Variants in MPPED2 observed in about 807,000 individuals in gnomAD.
MPPED2 encodes metallophosphoesterase domain containing 2, also known as metallophosphoesterase MPPED2.
In MPPED2, 5 loss-of-function variants were observed where a neutral mutation model predicts 33.0. The observed-to-expected ratio is 0.15, with a 90% confidence interval of 0.08 to 0.32. MPPED2 has a LOEUF of 0.32. Ranked by LOEUF, MPPED2 falls within the 10% of genes least tolerant of loss-of-function variation. MPPED2 has a pLI of 1.00. For missense variants in MPPED2, 275 were observed against 372.1 expected, an observed-to-expected ratio of 0.74 and a Z score of 2.15; for synonymous variants, 136 against 141.9, an observed-to-expected ratio of 0.96 and a Z score of 0.29.
chr11:30,448,118 G>A (rs560396462), intron 4 of MPPED2, among the ~76,000 whole-genome samples: 1 of 152,282 alleles, frequency 6.6e-6, no homozygotes. Context: ...ACGTGAATGA[G>A]CATCATTTCT....
chr11:30,484,052 T>G (rs1435465871), intron 4 of MPPED2, among the ~76,000 whole-genome samples: 1 of 152,244 alleles, frequency 6.6e-6, no homozygotes, highest in Non-Finnish European at 1.5e-5. Flanking sequence ...TTTTCTTTCC[T>G]TTACAAATAT....
chr11:30,415,216 A>G (rs1948291212), intron 5 of MPPED2, among the ~76,000 whole-genome samples: 2 of 152,194 alleles, frequency 1.3e-5, no homozygotes, highest in Admixed American at 6.5e-5. Context: ...CAAACTGCAG[A>G]CATGAACGTT....
chr11:30,430,049 T>G (rs145400265), intron 4 of MPPED2, among the ~76,000 whole-genome samples: 1 of 152,124 alleles, frequency 6.6e-6, no homozygotes, highest in Non-Finnish European at 1.5e-5. Flanking sequence ...TGACACAAAA[T>G]AGAGGTCAAG....
chr11:30,483,956 C>A (rs1951609039), intron 4 of MPPED2, among the ~76,000 whole-genome samples: 1 of 152,160 alleles, frequency 6.6e-6, no homozygotes, highest in African/African-American at 2.4e-5. Context: ...GTTCTATATG[C>A]AATCATTTTG....
chr11:30,578,544 G>A lies in MPPED2; in HGVS notation c.128+1702C>T, dbSNP rs146983391. 4.2e-3 allele frequency among the ~76,000 whole-genome samples: 638 copies of A among 152,206 alleles called. 2 individuals carry two copies. Among genetic ancestry groups the A allele is most frequent in the African/African-American group, 0.013 (526 of 41,530 alleles). On this transcript the variant is annotated intron_variant, in intron 2 of 6. Transcript: ENST00000358117. The stretch of plus-strand genomic sequence containing the variant: ...AAATATCTCTGTGCATTCACAGTTC[G>A]CCAGTGGAATCTTGAGGCCAAGAAC...
intron 4 of MPPED2, among the ~76,000 whole-genome samples, chr11:30,436,938 T>A (rs1949353286): frequency 6.6e-6 from 1 of 152,158 alleles, no homozygotes; most frequent in Non-Finnish European, 1.5e-5. Flanking sequence ...GCCTAAAGAG[T>A]GTGACATGAT....
At chr11:30,551,862 G>T (rs1955729700) in intron 2 of MPPED2, among the ~76,000 whole-genome samples, 1 of 152,170 alleles carries the variant, frequency 6.6e-6, no homozygotes, top group African/African-American at 2.4e-5. Flanking sequence ...TACTTCATAA[G>T]GATGTTATGA....
At chr11:30,545,643 G>A (rs137962574) in intron 2 of MPPED2, among the ~76,000 whole-genome samples, 17 of 152,186 alleles carry the variant, frequency 1.1e-4, no homozygotes, top group South Asian at 8.3e-4. Context: ...CCCTTACAGC[G>A]ATAGGCTCTT....
rs1034488660 is a variant in MPPED2 at position 30,504,795 on chromosome 11, C to A, written c.311-9274G>T. The A allele has an allele frequency of 4.0e-5, 52 of 1,288,832 alleles. No individual in the cohort carries two copies. The Admixed American group carries it at 5.1e-4, about 13-fold the overall frequency. 79.8% of individuals were successfully genotyped at this position (1,288,832 alleles called of 1,614,324 possible). A position where few individuals can be genotyped will look rare whatever the true frequency, so the allele number is the denominator to read the frequency against. ...GCTACCTTCTCCTCTGAAACTCATG[C>A]ATTAGGGTTTCTTCCATGCTTGCAA... On this transcript the variant is annotated intron_variant, in intron 3 of 6. Coordinates refer to ENST00000358117, the MANE Select transcript of MPPED2 (RefSeq NM_001584.3).
At chr11:30,570,415 A>G (rs1456229501) in intron 2 of MPPED2, among the ~76,000 whole-genome samples, 2 of 152,132 alleles carry the variant, frequency 1.3e-5, no homozygotes, top group Non-Finnish European at 2.9e-5. Context: ...TTCAAACCAT[A>G]GCACTATCCA....
intron 5 of MPPED2, among the ~76,000 whole-genome samples, chr11:30,416,204 G>A (rs1328938844): frequency 6.6e-6 from 1 of 152,220 alleles, no homozygotes; most frequent in African/African-American, 2.4e-5. Flanking sequence ...AAGAAGTCAG[G>A]AACTGCTGAT....
At chr11:30,540,296 T>C (rs1170028321) in intron 2 of MPPED2, among the ~76,000 whole-genome samples, 2 of 152,154 alleles carry the variant, frequency 1.3e-5, no homozygotes, top group African/African-American at 2.4e-5. Context: ...GTGAAGGATG[T>C]TTGGCTGCAG....
At chr11:30,562,374 A>G (rs1422724202) in intron 2 of MPPED2, among the ~76,000 whole-genome samples, 1 of 152,142 alleles carries the variant, frequency 6.6e-6, no homozygotes, top group Non-Finnish European at 1.5e-5. Flanking sequence ...GTAATGTGTG[A>G]TCTTCCAGGG....
intron 4 of MPPED2, among the ~76,000 whole-genome samples, chr11:30,426,180 T>C (rs1039483560): frequency 9.9e-5 from 15 of 152,168 alleles, no homozygotes; most frequent in Non-Finnish European, 2.2e-4. Context: ...TCTCCCCCAG[T>C]CCCTAGTAAC....
intron 4 of MPPED2, among the ~76,000 whole-genome samples, chr11:30,484,558 C>T (rs891249401): frequency 2.0e-5 from 3 of 152,118 alleles, no homozygotes; most frequent in Admixed American, 1.3e-4. Context: ...CCTCATGGAA[C>T]AGTCCACATT....
chr11:30,476,013 TCA>T (rs1951175817), intron 4 of MPPED2, among the ~76,000 whole-genome samples: 1 of 152,158 alleles, frequency 6.6e-6, no homozygotes, highest in Non-Finnish European at 1.5e-5. Context: ...TAACATCTTT[TCA>T]TATACTTGTT....
chr11:30,532,735 C>T (rs560012488), intron 3 of MPPED2, among the ~76,000 whole-genome samples: 1 of 152,340 alleles, frequency 6.6e-6, no homozygotes, highest in South Asian at 2.1e-4. Flanking sequence ...ACTCCCCTTC[C>T]ATCCTGTAGT....
At chr11:30,443,178 TA>T (rs998820756) in intron 4 of MPPED2, among the ~76,000 whole-genome samples, 3 of 152,144 alleles carry the variant, frequency 2.0e-5, no homozygotes, top group East Asian at 3.9e-4. Flanking sequence ...AATGCTACTT[TA>T]AAAAAATAAT....
chr11:30,390,562 C>T (rs989354163), intron 6 of MPPED2, among the ~76,000 whole-genome samples: 4 of 152,324 alleles, frequency 2.6e-5, no homozygotes, highest in East Asian at 1.9e-4. Flanking sequence ...CTGTGGCAGG[C>T]GCTGAAATAT....
Sources: allele counts gnomAD v4.1 joint callset (sites outside exome capture counted in the v4.1 genomes callset), GRCh38; gene constraint gnomAD v4.1.1; transcripts MANE v1.5; gene names NCBI Gene and HGNC (gene_info 2026-07-23, HGNC 2026-07-21).